Variants in PRH1 observed in about 807,000 individuals in gnomAD.
The protein encoded by PRH1 is salivary acidic proline-rich phosphoprotein 1/2.
PRH1 carries 7 observed loss-of-function variants against 7.9 expected under a neutral mutation model. That is an observed-to-expected ratio of 0.89 (90% CI 0.50 to 1.67). The LOEUF is 1.67. Ranked by LOEUF, PRH1 falls within the 40% of genes most tolerant of loss-of-function variation. The pLI, the probability that PRH1 is intolerant of heterozygous loss-of-function variation, is 0.00. For synonymous variants in PRH1, 45 were observed against 80.8 expected (o/e 0.56, Z 2.38); for missense variants, 109 against 223.6 (o/e 0.49, Z 3.27).
At chr12:10,920,834 C>T (rs1215937375) in intron 2 of PRH1, among the ~76,000 whole-genome samples, 1 of 151,988 alleles carries the variant, frequency 6.6e-6, no homozygotes, top group Non-Finnish European at 1.5e-5. Flanking sequence ...CTCTATGTTA[C>T]ACTAATAACT....
At chr12:10,950,168 T>C (rs1950547487) in intron 2 of PRH1, among the ~76,000 whole-genome samples, 1 of 152,104 alleles carries the variant, frequency 6.6e-6, no homozygotes, top group African/African-American at 2.4e-5. Context: ...TGATGGACAT[T>C]TGGGAGACTT....
intron 1 of PRH1, among the ~76,000 whole-genome samples, chr12:11,099,752 T>C (rs1212211588): frequency 2.0e-5 from 3 of 152,134 alleles, no homozygotes; most frequent in Non-Finnish European, 4.4e-5. Flanking sequence ...GTGAGATATA[T>C]ATGTCTAATG....
intron 2 of PRH1, among the ~76,000 whole-genome samples, chr12:10,970,563 G>T (rs992170013): frequency 1.7e-4 from 24 of 143,370 alleles, no homozygotes; most frequent in South Asian, 4.4e-4. Context: ...AAGTTTTTTT[G>T]TTTTTTTTTT....
At chr12:11,163,238 G>A (rs1291661108) in intron 1 of PRH1, among the ~76,000 whole-genome samples, 1 of 152,070 alleles carries the variant, frequency 6.6e-6, no homozygotes, top group Non-Finnish European at 1.5e-5. Context: ...GAAACACAGA[G>A]CATATGACAG....
chr12:11,118,993 CAAAAAAAAAAAAAAA>C (rs3983928), downstream of PRH1, among the ~76,000 whole-genome samples: 133 of 75,598 alleles, frequency 1.8e-3, 1 homozygote, highest in African/African-American at 7.0e-3. Context: ...GACTCCATCT[CAAAAAAAAAAAAAAA>C]AAAAAAAAAA....
chr12:10,908,438 C>G lies in PRH1; in HGVS notation c.-58-24163G>C, dbSNP rs762678458. On this transcript the variant is annotated intron_variant, in intron 2 of 3. Transcript: ENST00000539853. The stretch of plus-strand genomic sequence containing the variant: ...CCACCAAAAGAAAGGCCTGTCTTAA[C>G]TTAGCGTTTCCTAGAATCAGAAGAA... 4 of 1,613,670 alleles carry G rather than the reference C, an allele frequency of 2.5e-6. No homozygotes were observed. The African/African-American group carries it at 5.3e-5, about 22-fold the overall frequency.
intron 2 of PRH1, among the ~76,000 whole-genome samples, chr12:10,946,260 A>G (rs1175773973): frequency 3.3e-5 from 5 of 152,238 alleles, no homozygotes; most frequent in African/African-American, 9.6e-5. Flanking sequence ...AAATTATAAA[A>G]GTATTAATTT....
chr12:11,026,248 G>A (rs934130884), intron 1 of PRH1, among the ~76,000 whole-genome samples: 15 of 152,140 alleles, frequency 9.9e-5, no homozygotes, highest in Admixed American at 5.2e-4. Context: ...GTTGTGAAGG[G>A]AACTCCTGCT....
intron 1 of PRH1, chr12:11,133,937 C>CT: frequency 6.2e-7 from 1 of 1,614,102 alleles, no homozygotes; most frequent in South Asian, 1.1e-5. Flanking sequence ...ATAAAACATG[C>CT]TGAGGCTAGT....
chr12:11,093,934 C>A (rs1280210329), intron 1 of PRH1, among the ~76,000 whole-genome samples: 4 of 114,056 alleles, frequency 3.5e-5, no homozygotes, highest in Admixed American at 2.7e-4. Context: ...GTCAGATTGC[C>A]GCCACCTGAT....
intron 1 of PRH1, chr12:11,061,253 C>G (rs1247020561): frequency 3.5e-6 from 4 of 1,139,474 alleles, no homozygotes; most frequent in Non-Finnish European, 4.9e-6. Flanking sequence ...TAGGTACATG[C>G]TTGAAAGTTA....
chr12:10,948,104 T>C (rs1185928961), intron 2 of PRH1, among the ~76,000 whole-genome samples: 2 of 152,334 alleles, frequency 1.3e-5, no homozygotes, highest in East Asian at 3.9e-4. Flanking sequence ...TGATTATATA[T>C]CTTGGAGATG....
intron 1 of PRH1, among the ~76,000 whole-genome samples, chr12:10,990,865 G>A (rs1052932746): frequency 1.3e-5 from 2 of 152,216 alleles, no homozygotes; most frequent in African/African-American, 4.8e-5. Context: ...TTCTGAAAGA[G>A]AGAAAATGTT....
At chr12:11,045,092 T>C (rs544881968) in intron 1 of PRH1, among the ~76,000 whole-genome samples, 11 of 152,232 alleles carry the variant, frequency 7.2e-5, no homozygotes, top group African/African-American at 2.6e-4. Context: ...AAAGATAATA[T>C]GGTACATATA....
At chr12:10,968,237 A>T (rs1938605820) in intron 2 of PRH1, among the ~76,000 whole-genome samples, 1 of 152,214 alleles carries the variant, frequency 6.6e-6, no homozygotes. Context: ...ATAAATAACT[A>T]TTTTCTTAAG....
chr12:11,053,540 T>C (rs1182466377), intron 1 of PRH1, among the ~76,000 whole-genome samples: 5 of 152,278 alleles, frequency 3.3e-5, no homozygotes, highest in African/African-American at 7.2e-5. Flanking sequence ...TAAATCTCAA[T>C]GTATTCAGCC....
intron 2 of PRH1, among the ~76,000 whole-genome samples, chr12:10,944,261 T>G (rs1950450134): frequency 6.6e-6 from 1 of 152,186 alleles, no homozygotes; most frequent in Non-Finnish European, 1.5e-5. Flanking sequence ...TTTGGGAAGT[T>G]TTTTTATAAT....
chr12:11,068,248 T>C (rs1943910410), intron 1 of PRH1, among the ~76,000 whole-genome samples: 1 of 150,860 alleles, frequency 6.6e-6, no homozygotes, highest in Non-Finnish European at 1.5e-5. Flanking sequence ...TGATCACTCA[T>C]ATGTTTCACT....
chr12:11,074,751 A>G lies in PRH1; in HGVS notation n.124-27563T>C, dbSNP rs1162675623. ...AAGGGGTTGGATAATGTAAGGAAGAAAAGCAAAGATGGTAGTTCTGCCACA... is the reference window on the plus strand; with the variant it reads ...AAGGGGTTGGATAATGTAAGGAAGAGAAGCAAAGATGGTAGTTCTGCCACA... On this transcript the variant is annotated intron_variant and non_coding_transcript_variant, in intron 1 of 4. Coordinates refer to the PRH1 transcript ENST00000541977. 1.7e-5 allele frequency among the ~76,000 whole-genome samples: 2 copies of G among 116,094 alleles called. 1 individual carries two copies. The highest frequency in any genetic ancestry group is 4.1e-5 in the Non-Finnish European group (2 of 48,970). The allele number at this position is 116,094 out of a possible 152,430, so 76.2% of individuals were successfully genotyped here.
Sources: gnomAD v4.1 joint callset for allele counts (sites outside exome capture counted in the v4.1 genomes callset) on GRCh38, gnomAD v4.1.1 for gene constraint, MANE v1.5 for transcripts, NCBI Gene and HGNC (gene_info 2026-07-23, HGNC 2026-07-21) for gene names.